THSD7B: variants seen among roughly 807,000 people sequenced by gnomAD.
The protein encoded by THSD7B is thrombospondin type-1 domain-containing protein 7B.
Under a neutral mutation model 213.6 loss-of-function variants are expected in THSD7B, and 138 were observed. The observed-to-expected ratio is 0.65, with a 90% CI of 0.56 to 0.74. The LOEUF (loss-of-function observed/expected upper bound fraction) is 0.74. Among genes scored for constraint, THSD7B ranks in the 30% least tolerant of loss-of-function variants. The pLI is 0.00. For missense variants in THSD7B, 1,931 were observed against 1,991.5 expected (o/e 0.97, Z 0.58); for synonymous variants, 742 against 687.0 (o/e 1.08, Z -1.25).
intron 2 of THSD7B, among the ~76,000 whole-genome samples, chr2:137,042,344 A>T (rs1686898959): frequency 1.3e-5 from 2 of 152,274 alleles, no homozygotes; most frequent in Admixed American, 1.3e-4. Context: ...AAGATCATTT[A>T]CCTCATCTAA....
intron 2 of THSD7B, among the ~76,000 whole-genome samples, chr2:136,965,074 C>T (rs1439818841): frequency 6.7e-6 from 1 of 149,716 alleles, no homozygotes; most frequent in Non-Finnish European, 1.5e-5. Context: ...TATCCATTAA[C>T]ACTTTTACCT....
intron 8 of THSD7B, among the ~76,000 whole-genome samples, chr2:137,232,339 G>A (rs924665152): frequency 2.6e-5 from 4 of 152,090 alleles, no homozygotes; most frequent in African/African-American, 7.2e-5. Flanking sequence ...GTTTAAGGAG[G>A]GGTTTTCTTC....
chr2:137,609,350 G>A (rs1279804176), intron 17 of THSD7B, among the ~76,000 whole-genome samples: 1 of 152,230 alleles, frequency 6.6e-6, no homozygotes, highest in African/African-American at 2.4e-5. Context: ...AAGAGTTGCT[G>A]ATATTTTTAC....
At chr2:136,906,926 A>G (rs913252019) in intron 2 of THSD7B, among the ~76,000 whole-genome samples, 4 of 120,852 alleles carry the variant, frequency 3.3e-5, no homozygotes, top group Non-Finnish European at 6.9e-5. Flanking sequence ...TAGATTCCTT[A>G]CATTTCAAGG....
At chr2:137,082,730 C>T (rs1452921923) in intron 3 of THSD7B, among the ~76,000 whole-genome samples, 3 of 152,038 alleles carry the variant, frequency 2.0e-5, no homozygotes, top group Non-Finnish European at 4.4e-5. Context: ...ACCGGTTGTA[C>T]ACACATCCAC....
rs75137574 is a variant in THSD7B at position 137,122,471 on chromosome 2, A to G, written c.1369+7178A>G. 2.4e-3 allele frequency among the ~76,000 whole-genome samples: 361 copies of G among 152,298 alleles called. 10 individuals are homozygous for G. The East Asian group carries it at 0.064, about 27-fold the overall frequency. Reference sequence around the variant, plus strand: ...GACAGAATCCCAGAGGAAGCAGGCCATGTGTAAAGACACTGAAGTGGAAAG... The same window carrying G: ...GACAGAATCCCAGAGGAAGCAGGCCGTGTGTAAAGACACTGAAGTGGAAAG... On this transcript the variant is annotated intron_variant, in intron 5 of 27. Coordinates refer to ENST00000409968, the MANE Select transcript of THSD7B (RefSeq NM_001316349.2).
intron 2 of THSD7B, among the ~76,000 whole-genome samples, chr2:137,042,485 C>T (rs945247152): frequency 3.3e-5 from 5 of 152,092 alleles, no homozygotes; most frequent in Admixed American, 2.6e-4. Flanking sequence ...TGAGGATTCA[C>T]ATTATGTATT....
At position 137,272,675 on chromosome 2, in the gene THSD7B, C is replaced by T. The variant is rs551686187; in HGVS notation, c.2396+13C>T. On this transcript the variant is annotated intron_variant, in intron 11 of 27. Transcript: ENST00000409968. ...GTCCTGTATATCGGCAAGTAGTTAC[C>T]TTTTAAAATTATCGTTAGACCTACT... The T allele has an allele frequency of 7.7e-4, 1,237 of 1,608,776 alleles. 17 individuals carry two copies. In the South Asian group the frequency reaches 0.011, roughly 14 times the overall value.
At chr2:137,242,311 G>A in intron 9 of THSD7B, 146 bp from the exon 10 acceptor site, 1 of 588,268 alleles carries the variant, frequency 1.7e-6, no homozygotes, top group South Asian at 2.2e-5. Context: ...GCTTGGGCAA[G>A]TAGCTTCACC....
chr2:137,131,705 T>C (rs1004113306), intron 5 of THSD7B, among the ~76,000 whole-genome samples: 7 of 152,212 alleles, frequency 4.6e-5, no homozygotes, highest in African/African-American at 1.7e-4. Flanking sequence ...TGCAGCGTTA[T>C]TTCTGAGAGC....
Position 137,584,957 on chromosome 2 carries a change from G to C in THSD7B, c.3423+12401G>C, listed in dbSNP as rs7368923. Among the ~76,000 whole-genome samples, 5 of 152,008 alleles carry C rather than the reference G, an allele frequency of 3.3e-5. No individual in the cohort carries two copies. The East Asian group carries it at 9.7e-4, about 29-fold the overall frequency. On this transcript the variant is annotated intron_variant, in intron 17 of 27. Transcript: ENST00000409968. ...TCTGGTAGAATTCGGCTGTGAATCC[G>C]TCTGGTCCTGGACTTTTTTTTTATT... is the stretch of plus-strand genomic sequence containing the variant.
At chr2:136,918,833 G>A (rs187614889) in intron 2 of THSD7B, among the ~76,000 whole-genome samples, 2 of 152,228 alleles carry the variant, frequency 1.3e-5, no homozygotes, top group East Asian at 1.9e-4. Flanking sequence ...AAGGGCATTC[G>A]TTTCTTTAAT....
At chr2:137,660,839 TTA>T (rs1457116156) in intron 25 of THSD7B, among the ~76,000 whole-genome samples, 1 of 152,244 alleles carries the variant, frequency 6.6e-6, no homozygotes, top group Non-Finnish European at 1.5e-5. Context: ...AATATCATAT[TTA>T]TGTTATTATT....
At chr2:137,546,356 TATATATTATATATATATATA>T (rs1369182716) in intron 15 of THSD7B, among the ~76,000 whole-genome samples, 12 of 56,238 alleles carry the variant, frequency 2.1e-4, no homozygotes, top group Non-Finnish European at 2.9e-4. Context: ...TCAGCATATA[TATATATTATATATATATATA>T]ATATATATAT....
chr2:136,902,368 C>T (rs1447091547), intron 2 of THSD7B, among the ~76,000 whole-genome samples: 1 of 152,156 alleles, frequency 6.6e-6, no homozygotes, highest in Non-Finnish European at 1.5e-5. Context: ...CGTTATGAAA[C>T]ATATATTTAA....
chr2:137,391,148 G>T (rs1686016755), intron 12 of THSD7B, among the ~76,000 whole-genome samples: 1 of 152,004 alleles, frequency 6.6e-6, no homozygotes, highest in Non-Finnish European at 1.5e-5. Context: ...TTTCTTATTG[G>T]TCGGTTCAGG....
chr2:137,589,115 T>C (rs1681809056), intron 17 of THSD7B, among the ~76,000 whole-genome samples: 1 of 152,178 alleles, frequency 6.6e-6, no homozygotes, highest in African/African-American at 2.4e-5. Flanking sequence ...AACATAAGTG[T>C]ATGCTTTTGA....
chr2:137,344,989 A>C (rs1307966915), intron 12 of THSD7B, among the ~76,000 whole-genome samples: 1 of 151,596 alleles, frequency 6.6e-6, no homozygotes, highest in Non-Finnish European at 1.5e-5. Flanking sequence ...GTGACTCTAG[A>C]ATCTTCTTTA....
At chr2:136,968,825 C>T (rs1685360961) in intron 2 of THSD7B, among the ~76,000 whole-genome samples, 1 of 152,050 alleles carries the variant, frequency 6.6e-6, no homozygotes, top group African/African-American at 2.4e-5. Flanking sequence ...TAGTTTTTCT[C>T]CTCTCCCATC....
Sources: gnomAD v4.1 joint callset for allele counts (sites outside exome capture counted in the v4.1 genomes callset) on GRCh38, gnomAD v4.1.1 for gene constraint, MANE v1.5 for transcripts, NCBI Gene and HGNC (gene_info 2026-07-23, HGNC 2026-07-21) for gene names.